The following KIF6 variants were observed in gnomAD, a reference collection of about 807,000 sequenced individuals.
KIF6 encodes the protein kinesin-like protein KIF6.
In KIF6, 106 loss-of-function variants were observed where a neutral mutation model predicts 112.7. That is an observed-to-expected ratio of 0.94 (90% confidence interval 0.80 to 1.11). KIF6 has a LOEUF of 1.11. KIF6 is among the 50% of genes least tolerant of loss of function. The pLI is 0.00. For missense variants in KIF6, 929 were observed against 964.0 expected (o/e 0.96, Z 0.48); for synonymous variants, 339 against 339.9 (o/e 1.00, Z 0.03).
chr6:39,389,478 T>C (rs1462688997), intron 15 of KIF6, among the ~76,000 whole-genome samples: 1 of 152,204 alleles, frequency 6.6e-6, no homozygotes, highest in African/African-American at 2.4e-5. Context: ...CTGTGGAATA[T>C]ACACACTCGT....
intron 3 of KIF6, among the ~76,000 whole-genome samples, chr6:39,665,024 T>C (rs1161132195): frequency 6.6e-6 from 1 of 152,070 alleles, no homozygotes; most frequent in East Asian, 1.9e-4. Flanking sequence ...AGTTGCAGAG[T>C]ATGAAGTTAT....
chr6:39,530,221 G>A (rs375446930), intron 13 of KIF6, among the ~76,000 whole-genome samples: 1 of 152,192 alleles, frequency 6.6e-6, no homozygotes, highest in East Asian at 1.9e-4. Flanking sequence ...GGAGCCTCCA[G>A]GCTACAGCTT....
intron 3 of KIF6, among the ~76,000 whole-genome samples, chr6:39,681,584 GA>G (rs1787518616): frequency 6.6e-6 from 1 of 151,974 alleles, no homozygotes. Flanking sequence ...CCTTCAGCCA[GA>G]AACAAACAAA....
Position 39,336,473 on chromosome 6 carries a change from G to A in KIF6, c.*59C>T. On this transcript the variant is annotated 3_prime_UTR_variant, in exon 23 of 23. Transcript: ENST00000287152. ...GAAGCCAGAGCAAGTGAGGGGCGCT[G>A]CCTTCATCTGTGCTTCATTCTTGCT... 2 of 1,545,562 alleles carry A rather than the reference G, an allele frequency of 1.3e-6. No individual in the cohort carries two copies. Among genetic ancestry groups the A allele is most frequent in the Non-Finnish European group, 1.8e-6 (2 of 1,117,570 alleles).
At chr6:39,644,041 AAAAAG>A (rs1002989937) in intron 3 of KIF6, among the ~76,000 whole-genome samples, 9 of 152,150 alleles carry the variant, frequency 5.9e-5, no homozygotes, top group African/African-American at 2.2e-4. Context: ...ACATTTCTCT[AAAAAG>A]AAATGCAAAT....
At chr6:39,584,795 C>T in intron 9 of KIF6, 103 bp downstream of exon 9, 1 of 665,672 alleles carries the variant, frequency 1.5e-6, no homozygotes, top group Non-Finnish European at 2.6e-6. Flanking sequence ...TATGTTTCCA[C>T]TACTTAGAAC....
chr6:39,555,594 C>T (rs1174532537), intron 10 of KIF6, among the ~76,000 whole-genome samples: 1 of 152,128 alleles, frequency 6.6e-6, no homozygotes, highest in Non-Finnish European at 1.5e-5. Flanking sequence ...GTCCCATAGC[C>T]TCCCACTCAT....
intron 7 of KIF6, among the ~76,000 whole-genome samples, chr6:39,593,804 G>C (rs1287073505): frequency 6.6e-6 from 1 of 152,074 alleles, no homozygotes; most frequent in East Asian, 1.9e-4. Context: ...CAGGCCCTAA[G>C]AAAACCATCT....
intron 15 of KIF6, among the ~76,000 whole-genome samples, chr6:39,401,392 A>G (rs1768689951): frequency 6.6e-6 from 1 of 152,194 alleles, no homozygotes; most frequent in African/African-American, 2.4e-5. Context: ...TTGGGAAATG[A>G]TCCCTGGAAG....
At chr6:39,488,675 G>T (rs1775283156) in intron 13 of KIF6, among the ~76,000 whole-genome samples, 1 of 152,190 alleles carries the variant, frequency 6.6e-6, no homozygotes, top group African/African-American at 2.4e-5. Flanking sequence ...GTAAATATCT[G>T]CTGAATATGC....
intron 5 of KIF6, among the ~76,000 whole-genome samples, chr6:39,634,422 C>T (rs145232196): frequency 1.5e-4 from 23 of 152,196 alleles, no homozygotes; most frequent in African/African-American, 4.8e-4. Flanking sequence ...TTGAGGAAAA[C>T]GTAAAAATGT....
At position 39,342,033 on chromosome 6, in the gene KIF6, C is replaced by T. The variant is rs1763349173; in HGVS notation, c.2428+1676G>A. 6.6e-6 allele frequency among the ~76,000 whole-genome samples: 1 copy of T among 152,206 alleles called. No homozygotes were observed. The highest frequency in any genetic ancestry group is 1.5e-5 in the Non-Finnish European group (1 of 68,042). The stretch of plus-strand genomic sequence containing the variant: ...CAGAATAAAATCCAAATCTCTTTCC[C>T]CTGTGCATAAGGCTGGTGTGACTTG... On this transcript the variant is annotated intron_variant, in intron 22 of 22. Coordinates refer to ENST00000287152, the MANE Select transcript of KIF6 (RefSeq NM_145027.6). This position sits in a 1 kb window ranked among gnomAD's most constrained non-coding sequence, Gnocchi z 4.7.
At chr6:39,533,146 C>T (rs928683705) in intron 13 of KIF6, among the ~76,000 whole-genome samples, 2 of 152,184 alleles carry the variant, frequency 1.3e-5, no homozygotes, top group Admixed American at 1.3e-4. Flanking sequence ...CTAGGGAGTG[C>T]CAGACAGTGG....
At chr6:39,532,146 G>A (rs1007255011) in intron 13 of KIF6, among the ~76,000 whole-genome samples, 11 of 152,036 alleles carry the variant, frequency 7.2e-5, no homozygotes, top group African/African-American at 2.4e-4. Context: ...TTCTGTAATC[G>A]ATTGTTCAGT....
At chr6:39,631,422 T>G (rs1463922390) in intron 5 of KIF6, among the ~76,000 whole-genome samples, 2 of 152,104 alleles carry the variant, frequency 1.3e-5, no homozygotes, top group Admixed American at 6.6e-5. Context: ...CTGTAGGATT[T>G]TGTAGATGCT....
At chr6:39,442,087 C>T (rs1381738852) in intron 13 of KIF6, among the ~76,000 whole-genome samples, 2 of 152,184 alleles carry the variant, frequency 1.3e-5, no homozygotes, top group Non-Finnish European at 2.9e-5. Flanking sequence ...ATCACACATC[C>T]CACGGGCAAC....
chr6:39,342,592 CAGTTTTTT>C lies in KIF6; in HGVS notation c.2428+1109_2428+1116del. Among the ~76,000 whole-genome samples, 2 of 143,556 alleles carry C rather than the reference CAGTTTTTT, an allele frequency of 1.4e-5. No individual in the cohort carries two copies. Among genetic ancestry groups the C allele is most frequent in the African/African-American group, 5.6e-5 (2 of 36,006 alleles). 94.2% of individuals were successfully genotyped at this position (143,556 alleles called of 152,430 possible). A position where few individuals can be genotyped will look rare whatever the true frequency, so the allele number is the denominator to read the frequency against. On this transcript the variant is annotated intron_variant, in intron 22 of 22. Coordinates refer to ENST00000287152, the MANE Select transcript of KIF6 (RefSeq NM_145027.6). This position sits in a 1 kb window ranked among gnomAD's most constrained non-coding sequence, Gnocchi z 4.7. ...ATGGGGACTTGGAGATCACTGAATC[CAGTTTTTT>C]ATTTTTTTTTATTTTTTTTTATTTT... is the stretch of plus-strand genomic sequence containing the variant.
At chr6:39,435,320 T>C (rs1046322728) in intron 13 of KIF6, among the ~76,000 whole-genome samples, 2 of 152,234 alleles carry the variant, frequency 1.3e-5, no homozygotes, top group African/African-American at 4.8e-5. Flanking sequence ...ACTTCATCTG[T>C]TAATATGTTT....
chr6:39,536,766 A>G (rs1237399663), intron 13 of KIF6, among the ~76,000 whole-genome samples: 1 of 152,158 alleles, frequency 6.6e-6, no homozygotes, highest in Admixed American at 6.5e-5. Context: ...CAACCAAAAA[A>G]GAGAATTTTA....
Sources: gnomAD v4.1 joint callset for allele counts (sites outside exome capture counted in the v4.1 genomes callset) on GRCh38, gnomAD v4.1.1 for gene constraint, Gnocchi (gnomAD v3.1) non-coding constraint, MANE v1.5 for transcripts, NCBI Gene and HGNC (gene_info 2026-07-23, HGNC 2026-07-21) for gene names.